Variants in VAMP1 observed in about 807,000 individuals in gnomAD.
The protein encoded by VAMP1 is vesicle associated membrane protein 1, also known as vesicle-associated membrane protein 1.
Under a neutral mutation model 19.1 loss-of-function variants are expected in VAMP1, and 16 were observed. The observed-to-expected ratio is 0.84, with a 90% CI of 0.57 to 1.27. The LOEUF is 1.27. Ranked by LOEUF, VAMP1 falls within the 50% of genes most tolerant of loss-of-function variation. VAMP1 has a pLI of 0.00. For synonymous variants in VAMP1, 37 were observed against 50.2 expected, an observed-to-expected ratio of 0.74 and a Z score of 1.11; for missense variants, 109 against 145.4, an observed-to-expected ratio of 0.75 and a Z score of 1.29.
intron 4 of VAMP1, 96 bp from the exon 5 acceptor site, chr12:6,464,582 TCTCCA>T: frequency 6.8e-7 from 1 of 1,462,228 alleles, no homozygotes; most frequent in Non-Finnish European, 9.0e-7. Flanking sequence ...CATTCAGGTC[TCTCCA>T]TTGTTAAGTG....
chr12:6,464,608 A>G, intron 4 of VAMP1, 122 bp from the exon 5 acceptor site: 1 of 1,457,950 alleles, frequency 6.9e-7, no homozygotes, highest in South Asian at 1.5e-5. Flanking sequence ...CCCCATCCCC[A>G]TGGTCTCCCT....
chr12:6,464,707 T>G, intron 4 of VAMP1, 183 bp downstream of exon 4: 1 of 1,507,840 alleles, frequency 6.6e-7, no homozygotes, highest in Non-Finnish European at 8.8e-7. Context: ...GGGGAAGGCT[T>G]GTCCATCAAA....
chr12:6,465,381 T>A (rs1435675376), intron 3 of VAMP1: 9 of 92,650 alleles, frequency 9.7e-5, no homozygotes, highest in Middle Eastern at 4.3e-3. Flanking sequence ...TAAATGTATA[T>A]ATATGTATAT....
intron 1 of VAMP1, among the ~76,000 whole-genome samples, chr12:6,470,036 A>AG (rs1945730388): frequency 6.6e-6 from 1 of 152,170 alleles, no homozygotes; most frequent in Admixed American, 6.5e-5. Context: ...CACTGCCATG[A>AG]GGGGGGCTAG....
rs2137017630 is a variant in VAMP1, at chr12:6,470,598, CGCT to C, written c.-70_-68del. Reference sequence around the variant, plus strand: ...CTGCGGCGAGACACCCGGTGAGGGACGCTGCGGCTGAAGTGGACGGAACTGCCA... The same window carrying C: ...CTGCGGCGAGACACCCGGTGAGGGACGCGGCTGAAGTGGACGGAACTGCCA... On this transcript the variant is annotated 5_prime_UTR_variant, in exon 1 of 5. Transcript: ENST00000396308. 1.2e-6 allele frequency: 2 copies of C among 1,604,996 alleles called. No individual in the cohort carries two copies. Among genetic ancestry groups the C allele is most frequent in the Non-Finnish European group, 1.7e-6 (2 of 1,173,100 alleles).
rs145531892 is a variant in VAMP1 at position 6,462,242 on chromosome 12, TG to T, written c.*2227del. On this transcript the variant is annotated 3_prime_UTR_variant, in exon 5 of 5. Transcript: ENST00000396308. ...CCAAACAACAACCAAGCCAGTTTAA[TG>T]GTAGGAATTTGTATTTTTTGCCTTT... 3,419 of 1,115,408 alleles carry T rather than the reference TG, an allele frequency of 3.1e-3. 76 individuals carry two copies. In the African/African-American group the frequency reaches 0.048, roughly 16 times the overall value. 69.1% of individuals were successfully genotyped at this position (1,115,408 alleles called of 1,614,324 possible).
chr12:6,464,067 A>C lies in VAMP1; in HGVS notation c.*403T>G. On this transcript the variant is annotated 3_prime_UTR_variant, in exon 5 of 5. Transcript: ENST00000396308. ...TCCCAGCCCCTCCCTAGCTCCTACC[A>C]GTGGCCAGGTTTTCTAGAAGTCACC... is the stretch of plus-strand genomic sequence containing the variant. 1 of 1,300,416 alleles carries C rather than the reference A, an allele frequency of 7.7e-7. No homozygotes were observed. Among genetic ancestry groups the C allele is most frequent in the East Asian group, 5.2e-5 (1 of 19,050 alleles). 80.6% of individuals were successfully genotyped at this position (1,300,416 alleles called of 1,614,324 possible). A position where few individuals can be genotyped will look rare whatever the true frequency, so the allele number is the denominator to read the frequency against.
intron 4 of VAMP1, 165 bp downstream of exon 4, chr12:6,464,725 C>T: frequency 1.3e-6 from 2 of 1,513,120 alleles, no homozygotes; most frequent in South Asian, 2.7e-5. Flanking sequence ...AAAGAAATCC[C>T]TTGTCTCTGC....
chr12:6,466,140 G>GA, intron 2 of VAMP1, 85 bp downstream of exon 2: 1 of 1,610,082 alleles, frequency 6.2e-7, no homozygotes, highest in Non-Finnish European at 8.5e-7. Flanking sequence ...ATTCTCCTAC[G>GA]AAAAAAGGAG....
chr12:6,468,607 G>C lies in VAMP1; in HGVS notation c.2+1923C>G, dbSNP rs150771187. ...TCCTTTTCTGGATTTGACAGTCTCA[G>C]ATGACTCCCTTGGTTACTTACATCC... is the stretch of plus-strand genomic sequence containing the variant. On this transcript the variant is annotated intron_variant, in intron 1 of 4. Coordinates refer to ENST00000396308, the MANE Select transcript of VAMP1 (RefSeq NM_014231.5). Among the ~76,000 whole-genome samples, 21 of 152,296 alleles carry C rather than the reference G, an allele frequency of 1.4e-4. No individual in the cohort carries two copies. In the East Asian group the frequency reaches 3.9e-3, roughly 28 times the overall value.
At chr12:6,468,341 AAATCAGGG>A in intron 1 of VAMP1, among the ~76,000 whole-genome samples, 1 of 152,220 alleles carries the variant, frequency 6.6e-6, no homozygotes, top group African/African-American at 2.4e-5. Flanking sequence ...CAAGATGAGG[AAATCAGGG>A]CTGCCATAAG....
At chr12:6,470,440 G>A in intron 1 of VAMP1, 90 bp downstream of exon 1, 1 of 1,585,318 alleles carries the variant, frequency 6.3e-7, no homozygotes, top group Non-Finnish European at 8.6e-7. Context: ...TGCAGCTGCT[G>A]CATTGCGCCA....
chr12:6,466,500 T>C (rs1348172361), intron 1 of VAMP1, 149 bp from the exon 2 acceptor site: 4 of 717,262 alleles, frequency 5.6e-6, no homozygotes, highest in African/African-American at 1.8e-5. Context: ...CTGGGCATCA[T>C]AGCGAGACCC....
rs991256425 is a variant in VAMP1, at chr12:6,465,384, A to ATG, written c.289-445_289-444dup. 333 of 76,184 alleles carry ATG rather than the reference A, an allele frequency of 4.4e-3. 20 individuals carry two copies. Among genetic ancestry groups the ATG allele is most frequent in the African/African-American group, 0.014 (316 of 22,268 alleles). 4.7% of individuals were successfully genotyped at this position (76,184 alleles called of 1,614,324 possible). A position where few individuals can be genotyped will look rare whatever the true frequency, so the allele number is the denominator to read the frequency against. ...TATATATATATATAAATGTATATAT[A>ATG]TGTATATATATATATAAATGTATAT... On this transcript the variant is annotated intron_variant, in intron 3 of 4. Coordinates refer to ENST00000396308, the MANE Select transcript of VAMP1 (RefSeq NM_014231.5).
chr12:6,469,755 GT>G (rs1945722297), intron 1 of VAMP1, among the ~76,000 whole-genome samples: 1 of 152,204 alleles, frequency 6.6e-6, no homozygotes, highest in African/African-American at 2.4e-5. Flanking sequence ...TTTAGCCGTA[GT>G]TTTCCCTCAA....
At chr12:6,466,667 T>C (rs1950032469) in intron 1 of VAMP1, 2 of 233,050 alleles carry the variant, frequency 8.6e-6, no homozygotes, top group Admixed American at 1.1e-4. Context: ...AAGTAAAAGA[T>C]GAAAGACTCT....
chr12:6,464,749 C>T (rs772650835), intron 4 of VAMP1, 141 bp downstream of exon 4: 294 of 1,526,274 alleles, frequency 1.9e-4, no homozygotes, highest in Non-Finnish European at 2.3e-4. Context: ...TCCCCCGTCC[C>T]GAACCAGGTG....
Position 6,462,738 on chromosome 12 carries a change from T to C in VAMP1, c.*1732A>G. ...GACAGTGGTGGTTCTTCTCCAGCGG[T>C]GACCCCCTGCATTAGGCAAGGAGGA... On this transcript the variant is annotated 3_prime_UTR_variant, in exon 5 of 5. Coordinates refer to ENST00000396308, the MANE Select transcript of VAMP1 (RefSeq NM_014231.5). The C allele has an allele frequency of 7.5e-7, 1 of 1,326,614 alleles. No homozygotes were observed. The highest frequency in any genetic ancestry group is 1.0e-6 in the Non-Finnish European group (1 of 969,062). The allele number at this position is 1,326,614 out of a possible 1,614,324, so 82.2% of individuals were successfully genotyped here.
intron 4 of VAMP1, 30 bp from the exon 5 acceptor site, chr12:6,464,516 G>A (rs760621733): frequency 1.3e-5 from 20 of 1,482,648 alleles, no homozygotes; most frequent in Admixed American, 1.3e-4. Flanking sequence ...AGTCCCAGAC[G>A]GAAAAGAGAA....
Sources: allele counts gnomAD v4.1 joint callset (sites outside exome capture counted in the v4.1 genomes callset), GRCh38; gene constraint gnomAD v4.1.1; transcripts MANE v1.5; gene names NCBI Gene and HGNC (gene_info 2026-07-23, HGNC 2026-07-21).